The following RABGAP1 variants were observed in gnomAD, a reference collection of about 807,000 sequenced individuals.
RABGAP1 encodes rab GTPase-activating protein 1.
RABGAP1 carries 23 observed loss-of-function variants against 137.6 expected under a neutral mutation model. The ratio of observed to expected loss-of-function variants is 0.17; its 90% CI spans 0.12 to 0.24. The LOEUF (loss-of-function observed/expected upper bound fraction) is 0.24. Among genes scored for constraint, RABGAP1 ranks in the 10% least tolerant of loss-of-function variants. The pLI, the probability that RABGAP1 is intolerant of heterozygous loss-of-function variation, is 1.00. For synonymous variants in RABGAP1, 451 were observed against 450.7 expected (o/e 1.00, Z -0.01); for missense variants, 906 against 1,275.8 (o/e 0.71, Z 4.42).
In RABGAP1 at chr9:123,057,551, C is replaced by T. The variant is rs377038127; in HGVS notation, c.1795-7797C>T. On this transcript the variant is annotated intron_variant, in intron 13 of 25. Transcript: ENST00000373647. Reference sequence around the variant, plus strand: ...AGGTGGGATGGCGGCCGGGCAGAGACGCTCCTCACTTTCCAGACTGGGCAG... The same window carrying T: ...AGGTGGGATGGCGGCCGGGCAGAGATGCTCCTCACTTTCCAGACTGGGCAG... 8.8e-3 allele frequency among the ~76,000 whole-genome samples: 1,325 copies of T among 149,806 alleles called. 13 individuals carry two copies. Among genetic ancestry groups the T allele is most frequent in the African/African-American group, 0.031 (1,248 of 40,696 alleles).
intron 6 of RABGAP1, among the ~76,000 whole-genome samples, chr9:122,995,437 G>C (rs970659247): frequency 6.6e-6 from 1 of 152,060 alleles, no homozygotes; most frequent in Admixed American, 6.6e-5. Flanking sequence ...TTTGAGTTCT[G>C]TATGTCAGAT....
At chr9:123,077,683 TGTATTG>T (rs2034563515) in intron 19 of RABGAP1, among the ~76,000 whole-genome samples, 1 of 147,408 alleles carries the variant, frequency 6.8e-6, no homozygotes, top group Non-Finnish European at 1.5e-5. Flanking sequence ...TGTATTGTAT[TGTATTG>T]TATTTATTTT....
chr9:122,950,447 A>G (rs1252646117), intron 1 of RABGAP1, among the ~76,000 whole-genome samples: 3 of 145,530 alleles, frequency 2.1e-5, no homozygotes, highest in Non-Finnish European at 3.0e-5. Context: ...AGAATCTAGA[A>G]AGAAGAATCT....
chr9:122,951,662 C>A (rs1281761608), intron 1 of RABGAP1, among the ~76,000 whole-genome samples: 1 of 152,010 alleles, frequency 6.6e-6, no homozygotes, highest in South Asian at 2.1e-4. Flanking sequence ...CCTAGAACCC[C>A]TGGACTCAAG....
chr9:122,961,080 G>C (rs1834826837), intron 2 of RABGAP1, among the ~76,000 whole-genome samples: 1 of 151,850 alleles, frequency 6.6e-6, no homozygotes. Flanking sequence ...AAGGAGAGGA[G>C]AAAGAGAAAT....
intron 19 of RABGAP1, among the ~76,000 whole-genome samples, chr9:123,079,177 C>A (rs1400473044): frequency 6.9e-6 from 1 of 145,614 alleles, no homozygotes; most frequent in Non-Finnish European, 1.5e-5. Flanking sequence ...TTGTTTGTTT[C>A]TTTTTTAAAT....
At chr9:122,958,229 A>T (rs1834643105) in intron 2 of RABGAP1, among the ~76,000 whole-genome samples, 1 of 152,206 alleles carries the variant, frequency 6.6e-6, no homozygotes, top group South Asian at 2.1e-4. Flanking sequence ...CCACCTTGGC[A>T]TTCCCATGTC....
intron 12 of RABGAP1, among the ~76,000 whole-genome samples, chr9:123,017,468 C>T (rs1303746935): frequency 6.6e-6 from 1 of 152,072 alleles, no homozygotes; most frequent in Non-Finnish European, 1.5e-5. Flanking sequence ...AGTGTCTCTT[C>T]TTTAGTTCAT....
chr9:122,976,239 T>C (rs1392722436), intron 2 of RABGAP1, among the ~76,000 whole-genome samples: 4 of 152,244 alleles, frequency 2.6e-5, no homozygotes, highest in Non-Finnish European at 4.4e-5. Flanking sequence ...TTCAGGACTT[T>C]CCTAAAGAAC....
At chr9:122,985,268 G>A (rs1836307656) in intron 3 of RABGAP1, among the ~76,000 whole-genome samples, 1 of 152,216 alleles carries the variant, frequency 6.6e-6, no homozygotes, top group Admixed American at 6.5e-5. Context: ...AGAACATAAT[G>A]AAGTGGCTAA....
chr9:123,028,113 A>G (rs1372448620), intron 13 of RABGAP1, among the ~76,000 whole-genome samples: 2 of 152,238 alleles, frequency 1.3e-5, no homozygotes, highest in Non-Finnish European at 2.9e-5. Context: ...TGACCCACAA[A>G]TAGGCAATTT....
At chr9:123,090,061 ATAG>A (rs1184195151) in intron 20 of RABGAP1, among the ~76,000 whole-genome samples, 1 of 152,238 alleles carries the variant, frequency 6.6e-6, no homozygotes, top group African/African-American at 2.4e-5. Context: ...CAGTTAACAA[ATAG>A]TAGGTGCTTG....
intron 2 of RABGAP1, among the ~76,000 whole-genome samples, chr9:122,983,502 A>G (rs1434073249): frequency 6.6e-6 from 1 of 152,226 alleles, no homozygotes; most frequent in East Asian, 1.9e-4. Flanking sequence ...CTGAATCAAT[A>G]AAAGTACTTG....
intron 10 of RABGAP1, among the ~76,000 whole-genome samples, chr9:123,006,733 G>A (rs765343782): frequency 2.0e-5 from 3 of 151,970 alleles, no homozygotes; most frequent in Non-Finnish European, 2.9e-5. Flanking sequence ...TCAGCTTCCC[G>A]AGTAGCTGGG....
intron 1 of RABGAP1, among the ~76,000 whole-genome samples, chr9:122,947,099 A>G (rs1157841183): frequency 6.6e-6 from 1 of 152,206 alleles, no homozygotes. Flanking sequence ...AGTTATAATT[A>G]TTTTGAAACT....
At chr9:123,089,565 C>A in intron 19 of RABGAP1, 193 bp from the exon 20 acceptor site, 1 of 538,870 alleles carries the variant, frequency 1.9e-6, no homozygotes, top group Non-Finnish European at 3.3e-6. Flanking sequence ...CAACAGAACT[C>A]TAAACGCATT....
rs1272561219 is a variant in RABGAP1 at position 123,021,331 on chromosome 9, T to A, written c.1794+872T>A. Reference sequence around the variant, plus strand: ...AAAACCTTATAAGGGAAGAGCAGGCTTTTTTTTTTTTTTTTTTTGAAATAG... The same window carrying A: ...AAAACCTTATAAGGGAAGAGCAGGCATTTTTTTTTTTTTTTTTTGAAATAG... On this transcript the variant is annotated intron_variant, in intron 13 of 25. Coordinates refer to ENST00000373647, the MANE Select transcript of RABGAP1 (RefSeq NM_012197.4). Among the ~76,000 whole-genome samples the A allele has an allele frequency of 1.4e-4, 16 of 111,724 alleles. No homozygotes were observed. The East Asian group carries it at 3.4e-3, about 23-fold the overall frequency. 73.3% of individuals were successfully genotyped at this position (111,724 alleles called of 152,430 possible).
At chr9:123,047,707 T>A (rs2033267364) in intron 13 of RABGAP1, among the ~76,000 whole-genome samples, 1 of 152,034 alleles carries the variant, frequency 6.6e-6, no homozygotes, top group Admixed American at 6.6e-5. Flanking sequence ...TTATAAAAAT[T>A]CAAAATTAAA....
At chr9:122,995,783 G>C (rs1433760261) in intron 6 of RABGAP1, among the ~76,000 whole-genome samples, 1 of 151,986 alleles carries the variant, frequency 6.6e-6, no homozygotes, top group African/African-American at 2.4e-5. Flanking sequence ...TGCTCAGGCT[G>C]GTCTCGAACT....
Sources: allele counts gnomAD v4.1 joint callset (sites outside exome capture counted in the v4.1 genomes callset), GRCh38; gene constraint gnomAD v4.1.1; transcripts MANE v1.5; gene names NCBI Gene and HGNC (gene_info 2026-07-23, HGNC 2026-07-21).